The following SYNM variants were observed in gnomAD, a reference collection of about 807,000 sequenced individuals.
SYNM encodes synemin.
SYNM carries 95 observed loss-of-function variants against 104.0 expected under a neutral mutation model. That is an observed-to-expected ratio of 0.91 (90% CI 0.77 to 1.08). The LOEUF (loss-of-function observed/expected upper bound fraction) is 1.08. Ranked by LOEUF, SYNM falls within the 50% of genes least tolerant of loss-of-function variation. SYNM has a pLI of 0.00. For synonymous variants in SYNM, 918 were observed against 869.0 expected, an observed-to-expected ratio of 1.06 and a Z score of -0.99; for missense variants, 2,150 against 2,052.2, an observed-to-expected ratio of 1.05 and a Z score of -0.92.
chr15:99,114,571 C>T (rs1280072464), intron 2 of SYNM, among the ~76,000 whole-genome samples: 1 of 152,036 alleles, frequency 6.6e-6, no homozygotes, highest in Non-Finnish European at 1.5e-5. Context: ...GAATCTCTTC[C>T]AAGAGATTAG....
rs1353355040 is a variant in SYNM, at chr15:99,131,178, ATC to A, written c.2821_2822del (p.Ser941LeufsTer61). ...PHEFHTSMKG[I>X]SSKEPRQQLV... Reference sequence around the variant, plus strand: ...CGAATTCCACACCTCCATGAAGGGCATCTCCTCCAAGGAGCCCCGGCAGCAGC... The same window carrying A: ...CGAATTCCACACCTCCATGAAGGGCATCCTCCAAGGAGCCCCGGCAGCAGC... On this transcript the variant is annotated frameshift_variant, in exon 4 of 4. Transcript: ENST00000336292. LOFTEE classifies it high-confidence loss of function. This position sits in a 1 kb window ranked among gnomAD's most constrained non-coding sequence, Gnocchi z 4.3. 6.2e-7 allele frequency: 1 copy of A among 1,606,930 alleles called. No homozygotes were observed. The highest frequency in any genetic ancestry group is 8.5e-7 in the Non-Finnish European group (1 of 1,176,752).
At chr15:99,119,879 C>T (rs2151803714) in intron 2 of SYNM, among the ~76,000 whole-genome samples, 1 of 152,326 alleles carries the variant, frequency 6.6e-6, no homozygotes, top group Admixed American at 6.5e-5. Context: ...ACTACATTTG[C>T]TTTATCTCAT....
In SYNM at chr15:99,130,234, C is replaced by A; in HGVS notation, c.1874C>A (p.Ala625Asp). Residue 625 changes from alanine to aspartate, a missense_variant, in exon 4 of 4, where the codon GCC becomes GAC. Physicochemically the swap from Ala to Asp is moderately radical, Grantham distance 126. Coordinates refer to ENST00000336292, the MANE Select transcript of SYNM (RefSeq NM_145728.3). Reference sequence around the variant, plus strand: ...CGGTTCAGGTTGGGCACCAGTGATGCCACTGGTTCTCTGCAAGGCGATTCC... The same window carrying A: ...CGGTTCAGGTTGGGCACCAGTGATGACACTGGTTCTCTGCAAGGCGATTCC... Reference protein sequence around the residue: ...ELRFRLGTSDATGSLQGDSMT... With the variant: ...ELRFRLGTSDDTGSLQGDSMT... 6.2e-7 allele frequency: 1 copy of A among 1,613,962 alleles called. No homozygotes were observed. The highest frequency in any genetic ancestry group is 8.5e-7 in the Non-Finnish European group (1 of 1,179,892).
intron 2 of SYNM, among the ~76,000 whole-genome samples, chr15:99,122,997 C>G (rs1411914916): frequency 5.3e-5 from 8 of 152,296 alleles, no homozygotes; most frequent in African/African-American, 1.9e-4. Flanking sequence ...AATCAGTTTT[C>G]TTTGGAGGAT....
chr15:99,139,339 G>A (rs2067946625), downstream of SYNM: 1 of 1,613,496 alleles, frequency 6.2e-7, no homozygotes, highest in African/African-American at 1.3e-5. Context: ...CCCATGGCCT[G>A]CTGGGTGGCC....
chr15:99,123,831 C>T (rs2067423729), intron 2 of SYNM, among the ~76,000 whole-genome samples: 1 of 152,360 alleles, frequency 6.6e-6, no homozygotes, highest in East Asian at 1.9e-4. Flanking sequence ...CTTGTGCCCA[C>T]GGTGCTGAGT....
intron 3 of SYNM, chr15:99,129,108 G>A: frequency 4.1e-6 from 2 of 492,036 alleles, no homozygotes; most frequent in South Asian, 2.5e-5. Flanking sequence ...GTTAAGATGA[G>A]TGAGTATTTT....
the SYNM span, chr15:99,141,177 T>C: frequency 1.2e-4 from 18 of 152,204 alleles, no homozygotes; most frequent in Non-Finnish European, 2.2e-4. Flanking sequence ...TAGCAATATT[T>C]AGTAATGAAT....
At chr15:99,139,465 T>G, downstream of SYNM, 1 of 1,606,040 alleles carries the variant, frequency 6.2e-7, no homozygotes, top group Non-Finnish European at 8.5e-7. Flanking sequence ...AACTAAGGTC[T>G]CCCTTGAATG....
rs1430894261 is a variant in SYNM at position 99,105,408 on chromosome 15, A to G, written c.209A>G (p.Gln70Arg). The G allele has an allele frequency of 2.0e-6, 3 of 1,508,126 alleles. No homozygotes were observed. Among genetic ancestry groups the G allele is most frequent in the Non-Finnish European group, 2.6e-6 (3 of 1,135,242 alleles). The allele number at this position is 1,508,126 out of a possible 1,614,324, so 93.4% of individuals were successfully genotyped here. A position where few individuals can be genotyped will look rare whatever the true frequency, so the allele number is the denominator to read the frequency against. ...GAGGAGGCGCGCAGCTTGCGGCAGC[A>G]GCTGGACGAGCTGAGCTGGGCCACT... is the stretch of plus-strand genomic sequence containing the variant. ...CAEEARSLRQ[Q>R]LDELSWATAL... The change falls in exon 1 of 4, where the codon CAG becomes CGG. Residue 70 changes from glutamine to arginine, a missense_variant. Coordinates refer to ENST00000336292, the MANE Select transcript of SYNM (RefSeq NM_145728.3).
At chr15:99,119,577 G>T (rs988826180) in intron 2 of SYNM, among the ~76,000 whole-genome samples, 5 of 152,184 alleles carry the variant, frequency 3.3e-5, no homozygotes, top group African/African-American at 1.2e-4. Flanking sequence ...GCAGTTGCAT[G>T]CGGCAGTCCC....
At chr15:99,116,150 C>T (rs954282502) in intron 2 of SYNM, among the ~76,000 whole-genome samples, 1 of 152,204 alleles carries the variant, frequency 6.6e-6, no homozygotes, top group Non-Finnish European at 1.5e-5. Flanking sequence ...GGCTGGTGGC[C>T]GGGGCTCAGA....
At chr15:99,136,053 A>C (rs1440842493), downstream of SYNM, among the ~76,000 whole-genome samples, 1 of 152,254 alleles carries the variant, frequency 6.6e-6, no homozygotes, top group African/African-American at 2.4e-5. Flanking sequence ...AGGGGCTTGA[A>C]AAAACTGAGG....
intron 1 of SYNM, among the ~76,000 whole-genome samples, chr15:99,106,275 C>A (rs1367391326): frequency 2.0e-5 from 3 of 152,220 alleles, no homozygotes; most frequent in Non-Finnish European, 4.4e-5. Flanking sequence ...TAACTCTTGA[C>A]AAGCGTGACT....
At chr15:99,120,602 GA>G (rs2067391235) in intron 2 of SYNM, among the ~76,000 whole-genome samples, 1 of 152,212 alleles carries the variant, frequency 6.6e-6, no homozygotes, top group Non-Finnish European at 1.5e-5. Context: ...GGCCTGCAAA[GA>G]CACTGCCAGT....
intron 2 of SYNM, among the ~76,000 whole-genome samples, chr15:99,115,146 G>A (rs114792998): frequency 0.01 from 1,523 of 152,280 alleles, 26 homozygotes; most frequent in African/African-American, 0.035. Flanking sequence ...CCACCAAGCC[G>A]TGTAAAAAGG....
At chr15:99,138,064 G>A (rs782382653), downstream of SYNM, 4 of 1,613,786 alleles carry the variant, frequency 2.5e-6, no homozygotes, top group East Asian at 8.9e-5. Flanking sequence ...CCTGAGGGAT[G>A]CTGGTGCAGA....
At chr15:99,112,128 A>G (rs1489602538) in intron 1 of SYNM, among the ~76,000 whole-genome samples, 1 of 152,210 alleles carries the variant, frequency 6.6e-6, no homozygotes, top group East Asian at 1.9e-4. Context: ...AGACATATTT[A>G]TTATGGACCC....
At chr15:99,118,344 C>T (rs886325768) in intron 2 of SYNM, among the ~76,000 whole-genome samples, 1 of 152,240 alleles carries the variant, frequency 6.6e-6, no homozygotes, top group Non-Finnish European at 1.5e-5. Flanking sequence ...TGGACTTGCG[C>T]TCTTCTGACC....
Sources: allele counts gnomAD v4.1 joint callset (sites outside exome capture counted in the v4.1 genomes callset), GRCh38; gene constraint gnomAD v4.1.1; non-coding constraint Gnocchi (gnomAD v3.1); transcripts MANE v1.5; gene names NCBI Gene and HGNC (gene_info 2026-07-23, HGNC 2026-07-21).